The following CCDC92B variants were observed in gnomAD, a reference collection of about 807,000 sequenced individuals.
CCDC92B encodes the protein coiled-coil domain containing 92B.
Under a neutral mutation model 5.6 loss-of-function variants are expected in CCDC92B, and 2 were observed. The observed-to-expected ratio is 0.36, with a 90% CI of 0.15 to 1.12. CCDC92B has a LOEUF of 1.12. CCDC92B is among the 50% of genes most tolerant of loss of function. The pLI is 0.40. For missense variants in CCDC92B, 271 were observed against 262.2 expected, an observed-to-expected ratio of 1.03 and a Z score of -0.23; for synonymous variants, 115 against 122.3, an observed-to-expected ratio of 0.94 and a Z score of 0.39.
intron 2 of CCDC92B, among the ~76,000 whole-genome samples, chr17:2,731,381 G>A (rs546790878): frequency 4.3e-4 from 65 of 152,268 alleles, no homozygotes; most frequent in Middle Eastern, 6.8e-3. Context: ...ACTGGTACAA[G>A]GGCAGAAGGA....
chr17:2,721,869 G>A lies in CCDC92B; in HGVS notation c.*2542C>T, dbSNP rs1393257148. ...CTGGAAGAGGGATGGGAGTTGGGTG[G>A]AGCTGATGGGGTCACTTCGGGAGAA... On this transcript the variant is annotated 3_prime_UTR_variant, in exon 4 of 4. Transcript: ENST00000614400. 1 of 152,314 alleles carries A rather than the reference G, an allele frequency of 6.6e-6. No homozygotes were observed. Among genetic ancestry groups the A allele is most frequent in the Non-Finnish European group, 1.5e-5 (1 of 68,180 alleles). 9.4% of individuals were successfully genotyped at this position (152,314 alleles called of 1,614,324 possible).
intron 3 of CCDC92B, among the ~76,000 whole-genome samples, chr17:2,727,927 G>C (rs921342844): frequency 6.6e-6 from 1 of 152,120 alleles, no homozygotes. Context: ...AGGATCTCTT[G>C]AGCCCAGGAG....
At chr17:2,738,318 A>C (rs1357261218) in intron 1 of CCDC92B, among the ~76,000 whole-genome samples, 1 of 151,836 alleles carries the variant, frequency 6.6e-6, no homozygotes. Flanking sequence ...GATTACAGGC[A>C]TGAGCTGCTG....
rs1444101861 is a variant in CCDC92B, at chr17:2,748,435, T to C, written c.-24+976A>G. ...TGCCATATTATCACTCTTTGTTCTG[T>C]GTGTGTGTGTGTGTGCACGCATGCC... On this transcript the variant is annotated intron_variant, in intron 1 of 3. Transcript: ENST00000614400. 6.6e-6 allele frequency: 6 copies of C among 913,564 alleles called. No homozygotes were observed. In the East Asian group the frequency reaches 5.9e-4, roughly 90 times the overall value. The allele number at this position is 913,564 out of a possible 1,614,324, so 56.6% of individuals were successfully genotyped here.
At chr17:2,745,716 C>A (rs2070977686) in intron 1 of CCDC92B, among the ~76,000 whole-genome samples, 1 of 152,194 alleles carries the variant, frequency 6.6e-6, no homozygotes. Context: ...CCTGGAACAT[C>A]TGGCCTTCAG....
Position 2,724,222 on chromosome 17 carries a change from A to C in CCDC92B, c.*189T>G. 2.0e-6 allele frequency: 2 copies of C among 985,230 alleles called. No individual in the cohort carries two copies. Among genetic ancestry groups the C allele is most frequent in the Non-Finnish European group, 2.4e-6 (2 of 829,872 alleles). The allele number at this position is 985,230 out of a possible 1,614,324, so 61.0% of individuals were successfully genotyped here. A position where few individuals can be genotyped will look rare whatever the true frequency, so the allele number is the denominator to read the frequency against. On this transcript the variant is annotated 3_prime_UTR_variant, in exon 4 of 4. Transcript: ENST00000614400. This position sits in a 1 kb window ranked among gnomAD's most constrained non-coding sequence, Gnocchi z 5.0. ...AACTCTCGCGCGAGGAGAGGGCTCG[A>C]AGCTTTGGAAACGTCGGGAAGTACA... is the stretch of plus-strand genomic sequence containing the variant.
intron 1 of CCDC92B, among the ~76,000 whole-genome samples, chr17:2,748,911 CT>C (rs2071020934): frequency 6.6e-6 from 1 of 152,104 alleles, no homozygotes; most frequent in Non-Finnish European, 1.5e-5. Context: ...CCCCTCAACT[CT>C]GGCTGCCCCC....
intron 1 of CCDC92B, among the ~76,000 whole-genome samples, chr17:2,742,359 A>C (rs1426381296): frequency 6.6e-6 from 1 of 152,088 alleles, no homozygotes. Flanking sequence ...GGATGTGGGG[A>C]GGTCAGCTGG....
At chr17:2,739,018 C>T (rs974015868) in intron 1 of CCDC92B, among the ~76,000 whole-genome samples, 1 of 151,564 alleles carries the variant, frequency 6.6e-6, no homozygotes, top group Non-Finnish European at 1.5e-5. Flanking sequence ...TTGCAGTGAG[C>T]TGAGATCGAG....
intron 1 of CCDC92B, among the ~76,000 whole-genome samples, chr17:2,739,171 T>G (rs916592959): frequency 3.3e-5 from 5 of 150,426 alleles, no homozygotes; most frequent in Non-Finnish European, 7.4e-5. Flanking sequence ...ATCGAGACCA[T>G]CCTGGCTAAC....
chr17:2,732,885 C>T (rs1256006534), intron 2 of CCDC92B, among the ~76,000 whole-genome samples: 7 of 151,478 alleles, frequency 4.6e-5, no homozygotes, highest in African/African-American at 9.7e-5. Flanking sequence ...TGTTGGCAGG[C>T]GCCTGTAGTC....
Position 2,726,185 on chromosome 17 carries a change from T to A in CCDC92B, c.179-1185A>T, listed in dbSNP as rs1304095749. Among the ~76,000 whole-genome samples, 93 of 2,534 alleles carry A rather than the reference T, an allele frequency of 0.037. 1 individual carries two copies. The East Asian group carries it at 0.47, about 13-fold the overall frequency. The allele number at this position is 2,534 out of a possible 152,430, so 1.7% of individuals were successfully genotyped here. On this transcript the variant is annotated intron_variant, in intron 3 of 3. Coordinates refer to ENST00000614400, the MANE Select transcript of CCDC92B (RefSeq NM_001355573.2). ...TAATTTTTGTATATATATATATATT[T>A]TTTTTTTTTTGAGATGGAGTCTTGC...
At chr17:2,745,623 CTCTG>C (rs2070976833) in intron 1 of CCDC92B, among the ~76,000 whole-genome samples, 1 of 152,200 alleles carries the variant, frequency 6.6e-6, no homozygotes, top group African/African-American at 2.4e-5. Context: ...ACAAAAATCT[CTCTG>C]TCTGGCTGGG....
intron 1 of CCDC92B, among the ~76,000 whole-genome samples, chr17:2,742,209 C>G (rs969465987): frequency 2.0e-5 from 3 of 151,874 alleles, no homozygotes; most frequent in Admixed American, 2.0e-4. Context: ...GGAGCTGGGA[C>G]CACAGGCTCG....
chr17:2,729,490 G>A (rs569426385), intron 3 of CCDC92B, among the ~76,000 whole-genome samples: 597 of 48,554 alleles, frequency 0.012, 7 homozygotes, highest in African/African-American at 0.037. Context: ...GCGAGACTCC[G>A]TCTCAAAAAA....
At chr17:2,748,564 T>A in intron 1 of CCDC92B, 2 of 985,126 alleles carry the variant, frequency 2.0e-6, no homozygotes, top group Non-Finnish European at 2.4e-6. Flanking sequence ...GCACCTGGCT[T>A]CTGTACTAAG....
At chr17:2,732,944 C>T (rs1167910225) in intron 2 of CCDC92B, among the ~76,000 whole-genome samples, 2 of 151,314 alleles carry the variant, frequency 1.3e-5, no homozygotes, top group East Asian at 1.9e-4. Context: ...ACCTGGGAGG[C>T]GGAGCTTGCA....
At chr17:2,748,432 CTGTGTG>C (rs142915709) in intron 1 of CCDC92B, 2 of 916,592 alleles carry the variant, frequency 2.2e-6, no homozygotes, top group Non-Finnish European at 2.6e-6. Context: ...ACTCTTTGTT[CTGTGTG>C]TGTGTGTGTG....
At chr17:2,733,013 AAAATAAATAAATAAATAAAAATAAAT>A (rs1448649193) in intron 2 of CCDC92B, among the ~76,000 whole-genome samples, 4 of 139,802 alleles carry the variant, frequency 2.9e-5, no homozygotes, top group African/African-American at 1.0e-4. Context: ...ACCCTGTCTC[AAAATAAATAAATAAATAAAAATAAAT>A]AAATAAATAA....
Sources: gnomAD v4.1 joint callset for allele counts (sites outside exome capture counted in the v4.1 genomes callset) on GRCh38, gnomAD v4.1.1 for gene constraint, Gnocchi (gnomAD v3.1) non-coding constraint, MANE v1.5 for transcripts, NCBI Gene and HGNC (gene_info 2026-07-23, HGNC 2026-07-21) for gene names.